The following APBA1 variants were observed in gnomAD, a reference collection of about 807,000 sequenced individuals.
APBA1 encodes amyloid beta precursor protein binding family A member 1, also known as amyloid-beta A4 precursor protein-binding family A member 1.
In APBA1, 55 loss-of-function variants were observed where a neutral mutation model predicts 86.6. The ratio of observed to expected loss-of-function variants is 0.64; its 90% CI spans 0.51 to 0.80. The LOEUF (loss-of-function observed/expected upper bound fraction) is 0.80. Among genes scored for constraint, APBA1 ranks in the 30% least tolerant of loss-of-function variants. APBA1 has a pLI of 0.00. For synonymous variants in APBA1, 511 were observed against 493.9 expected (o/e 1.03, Z -0.46); for missense variants, 1,090 against 1,183.0 (o/e 0.92, Z 1.15).
intron 1 of APBA1, among the ~76,000 whole-genome samples, chr9:69,653,194 A>C (rs1823542185): frequency 6.6e-6 from 1 of 151,908 alleles, no homozygotes; most frequent in Admixed American, 6.5e-5. Context: ...AAAGTTAAGA[A>C]TGGCTTAAAG....
intron 1 of APBA1, among the ~76,000 whole-genome samples, chr9:69,610,099 C>G (rs1402356937): frequency 6.6e-6 from 1 of 152,166 alleles, no homozygotes; most frequent in African/African-American, 2.4e-5. Context: ...AAGAGGATCA[C>G]TTGAGGCCAG....
chr9:69,609,238 A>C (rs902948512), intron 1 of APBA1, among the ~76,000 whole-genome samples: 1 of 152,150 alleles, frequency 6.6e-6, no homozygotes, highest in African/African-American at 2.4e-5. Context: ...ATGTTTAAGA[A>C]CCTGACAAAT....
Position 69,658,304 on chromosome 9 carries a change from C to CTCTCTTTCTTTCTTTCTTTCTT in APBA1, c.-70+13848_-70+13849insAAGAAAGAAAGAAAGAAAGAGA, listed in dbSNP as rs1362898788. On this transcript the variant is annotated intron_variant, in intron 1 of 12. Coordinates refer to ENST00000265381, the MANE Select transcript of APBA1 (RefSeq NM_001163.4). Reference sequence around the variant, plus strand: ...TCTTTCTCTCTCTCTTTCTCTCTCTCTCTTTCTTTCTTTCTTTCTTTCTTT... The same window carrying CTCTCTTTCTTTCTTTCTTTCTT: ...TCTTTCTCTCTCTCTTTCTCTCTCTCTCTCTTTCTTTCTTTCTTTCTTTCTTTCTTTCTTTCTTTCTTTCTTT... Among the ~76,000 whole-genome samples, 139 of 80,024 alleles carry CTCTCTTTCTTTCTTTCTTTCTT rather than the reference C, an allele frequency of 1.7e-3. 10 individuals are homozygous for CTCTCTTTCTTTCTTTCTTTCTT. The highest frequency in any genetic ancestry group is 1.9e-3 in the East Asian group (5 of 2,568). 52.5% of individuals were successfully genotyped at this position (80,024 alleles called of 152,430 possible).
In APBA1 at chr9:69,457,054, T is replaced by A. The variant is rs1292077990; in HGVS notation, c.1601A>T (p.Gln534Leu). 6.2e-7 allele frequency: 1 copy of A among 1,613,528 alleles called. No individual in the cohort carries two copies. Among genetic ancestry groups the A allele is most frequent in the Admixed American group, 1.7e-5 (1 of 60,022 alleles). The change falls in exon 7 of 13, where the codon CAG (glutamine) becomes CTG (leucine). Residue 534 changes from glutamine (Q) to leucine (L), a missense_variant and splice_region_variant. Gln to Leu is a moderately radical substitution (Grantham distance 113). This residue lies in a region of APBA1 where 103 missense variants were observed against 91.9 expected (regional missense o/e 1.12). Coordinates refer to ENST00000265381, the MANE Select transcript of APBA1 (RefSeq NM_001163.4). ...QRIKVLNADT[Q>L]ETMMDHPLRT... ...GGAAAGGTGGAAGCCAGCTGATACC[T>A]GTGTGTCGGCGTTCAGCACTTTGAT... is the stretch of plus-strand genomic sequence containing the variant.
intron 1 of APBA1, among the ~76,000 whole-genome samples, chr9:69,665,656 T>G (rs1306891494): frequency 6.6e-6 from 1 of 152,122 alleles, no homozygotes; most frequent in Non-Finnish European, 1.5e-5. Flanking sequence ...GAATGGAACA[T>G]GAAACAAGGA....
chr9:69,528,961 A>G (rs1005648820), intron 1 of APBA1, among the ~76,000 whole-genome samples: 8 of 152,080 alleles, frequency 5.3e-5, no homozygotes, highest in Non-Finnish European at 1.0e-4. Flanking sequence ...ATTTACTGCT[A>G]TTGTTATGTT....
chr9:69,623,270 G>T (rs796391664), intron 1 of APBA1, among the ~76,000 whole-genome samples: 28 of 152,146 alleles, frequency 1.8e-4, no homozygotes, highest in African/African-American at 6.3e-4. Context: ...AATAGATAAG[G>T]GTGATTCTGC....
intron 2 of APBA1, among the ~76,000 whole-genome samples, chr9:69,510,400 C>A (rs2133881472): frequency 6.9e-6 from 1 of 144,652 alleles, no homozygotes; most frequent in South Asian, 2.3e-4. Flanking sequence ...AACTACAAAC[C>A]ACTGCTCAAG....
intron 12 of APBA1, among the ~76,000 whole-genome samples, chr9:69,432,305 G>A (rs1214841038): frequency 6.6e-6 from 1 of 152,244 alleles, no homozygotes; most frequent in Non-Finnish European, 1.5e-5. Flanking sequence ...CACATCAGAT[G>A]AAAGAGAAGG....
chr9:69,658,282 TTCTCTCTCTCTTTCTCTCTCTC>T (rs1823666439), intron 1 of APBA1, among the ~76,000 whole-genome samples: 3 of 39,838 alleles, frequency 7.5e-5, no homozygotes, highest in Non-Finnish European at 1.9e-4. Context: ...CTTTCTTTCT[TTCTCTCTCTCTTTCTCTCTCTC>T]TCTTTCTTTC....
At chr9:69,556,228 A>T (rs145205569) in intron 1 of APBA1, among the ~76,000 whole-genome samples, 1 of 152,308 alleles carries the variant, frequency 6.6e-6, no homozygotes, top group East Asian at 1.9e-4. Flanking sequence ...CTTTATATCA[A>T]GTGGAAAATA....
chr9:69,557,901 C>T (rs902579210), intron 1 of APBA1, among the ~76,000 whole-genome samples: 6 of 152,154 alleles, frequency 3.9e-5, no homozygotes, highest in African/African-American at 9.7e-5. Flanking sequence ...TGTATATTGT[C>T]TAACTTGTGG....
At chr9:69,440,947 TTTTA>T (rs1834810325) in intron 11 of APBA1, 45 bp downstream of exon 11, 1 of 1,592,540 alleles carries the variant, frequency 6.3e-7, no homozygotes, top group Non-Finnish European at 8.6e-7. Context: ...CATGCTACAT[TTTTA>T]TTTGTCAACA....
At chr9:69,532,727 C>T (rs1052056476) in intron 1 of APBA1, among the ~76,000 whole-genome samples, 1 of 152,192 alleles carries the variant, frequency 6.6e-6, no homozygotes, top group Non-Finnish European at 1.5e-5. Flanking sequence ...ACCTCTTTGA[C>T]CTTGTGTTAC....
intron 5 of APBA1, 64 bp downstream of exon 5, chr9:69,467,759 T>C (rs2133828506): frequency 1.3e-6 from 2 of 1,594,764 alleles, no homozygotes; most frequent in South Asian, 2.2e-5. Context: ...GTGGCCAGTG[T>C]TGTAGACTGC....
chr9:69,615,639 G>T lies in APBA1; in HGVS notation c.-70+56514C>A, dbSNP rs144419326. 1.7e-4 allele frequency among the ~76,000 whole-genome samples: 26 copies of T among 152,202 alleles called. No homozygotes were observed. The East Asian group carries it at 4.8e-3, about 28-fold the overall frequency. ...TATGTCATCAATGTAAAGATAAAAG[G>T]TTATATTTCCAAGGAAATGCTATAA... On this transcript the variant is annotated intron_variant, in intron 1 of 12. Coordinates refer to ENST00000265381, the MANE Select transcript of APBA1 (RefSeq NM_001163.4).
At chr9:69,485,303 C>T (rs954068119) in intron 2 of APBA1, among the ~76,000 whole-genome samples, 14 of 151,974 alleles carry the variant, frequency 9.2e-5, no homozygotes, top group African/African-American at 2.2e-4. Flanking sequence ...CAGACATGGC[C>T]GCGTGAAGCC....
At chr9:69,457,204 G>A in intron 6 of APBA1, 65 bp from the exon 7 acceptor site, 2 of 1,283,914 alleles carry the variant, frequency 1.6e-6, no homozygotes, top group South Asian at 2.4e-5. Flanking sequence ...TGCAGAAGGA[G>A]TAAGGTTAGC....
chr9:69,456,843 T>G (rs947090017), intron 7 of APBA1, among the ~76,000 whole-genome samples: 1 of 152,194 alleles, frequency 6.6e-6, no homozygotes, highest in Non-Finnish European at 1.5e-5. Flanking sequence ...CTAAACGTCA[T>G]CCATGTCTTA....
Sources: allele counts gnomAD v4.1 joint callset (sites outside exome capture counted in the v4.1 genomes callset), GRCh38; gene constraint gnomAD v4.1.1; regional missense constraint gnomAD v4.1.1; transcripts MANE v1.5; gene names NCBI Gene and HGNC (gene_info 2026-07-23, HGNC 2026-07-21).